The following INPP5A variants were observed in gnomAD, a reference collection of about 807,000 sequenced individuals.
The protein encoded by INPP5A is inositol polyphosphate-5-phosphatase A, also known as 43 kDa inositol polyphosphate 5-phophatase.
Under a neutral mutation model 65.2 loss-of-function variants are expected in INPP5A, and 14 were observed. The observed-to-expected ratio is 0.21, with a 90% CI of 0.14 to 0.34. INPP5A has a LOEUF of 0.34. Among genes scored for constraint, INPP5A ranks in the 10% least tolerant of loss-of-function variants. The pLI, the probability that INPP5A is intolerant of heterozygous loss-of-function variation, is 1.00. For missense variants in INPP5A, 431 were observed against 545.6 expected, an observed-to-expected ratio of 0.79 and a Z score of 2.09; for synonymous variants, 207 against 208.3, an observed-to-expected ratio of 0.99 and a Z score of 0.05.
intron 1 of INPP5A, among the ~76,000 whole-genome samples, chr10:132,590,433 A>G (rs1272912896): frequency 1.3e-5 from 2 of 152,130 alleles, no homozygotes; most frequent in Admixed American, 1.3e-4. Flanking sequence ...GAGGCTGGGA[A>G]GTCAGGCTGG....
At position 132,648,377 on chromosome 10, in the gene INPP5A, A is replaced by G. The variant is rs549802645; in HGVS notation, c.219-2041A>G. 3.9e-5 allele frequency among the ~76,000 whole-genome samples: 6 copies of G among 152,382 alleles called. No individual in the cohort carries two copies. In the South Asian group the frequency reaches 8.3e-4, roughly 21 times the overall value. Reference sequence around the variant, plus strand: ...CCTCCGCGCTTTATGCCTAATGTACAGCGTTATGATTTTTGCTTTAAACAA... The same window carrying G: ...CCTCCGCGCTTTATGCCTAATGTACGGCGTTATGATTTTTGCTTTAAACAA... On this transcript the variant is annotated intron_variant, in intron 3 of 15. Coordinates refer to ENST00000368594, the MANE Select transcript of INPP5A (RefSeq NM_005539.5).
At chr10:132,581,075 C>T (rs2071477337) in intron 1 of INPP5A, among the ~76,000 whole-genome samples, 2 of 152,220 alleles carry the variant, frequency 1.3e-5, no homozygotes, top group Non-Finnish European at 2.9e-5. Context: ...GTGGGTTTTC[C>T]CTCACGTAGC....
intron 2 of INPP5A, among the ~76,000 whole-genome samples, chr10:132,631,665 G>A (rs961982763): frequency 1.3e-5 from 2 of 152,194 alleles, no homozygotes; most frequent in East Asian, 3.9e-4. Context: ...GCAGGCCTGT[G>A]CTGCCTGTTT....
In INPP5A at chr10:132,675,607, A is replaced by C. The variant is rs1451547638; in HGVS notation, c.307-14785A>C. Among the ~76,000 whole-genome samples, 1 of 152,216 alleles carries C rather than the reference A, an allele frequency of 6.6e-6. No individual in the cohort carries two copies. The highest frequency in any genetic ancestry group is 1.5e-5 in the Non-Finnish European group (1 of 68,040). On this transcript the variant is annotated intron_variant, in intron 4 of 15. Coordinates refer to ENST00000368594, the MANE Select transcript of INPP5A (RefSeq NM_005539.5). The surrounding 1 kb of genome is among the most constrained non-coding windows in gnomAD (Gnocchi z 4.2). ...GCCCGGGAGAGTGAGGGTAACGGACATTCCCACGGGGATATTCCCACGCGG... is the reference window on the plus strand; with the variant it reads ...GCCCGGGAGAGTGAGGGTAACGGACCTTCCCACGGGGATATTCCCACGCGG...
intron 9 of INPP5A, among the ~76,000 whole-genome samples, chr10:132,728,284 C>T (rs915267498): frequency 7.9e-5 from 12 of 152,258 alleles, no homozygotes; most frequent in African/African-American, 2.7e-4. Flanking sequence ...CCCCGAAGTC[C>T]TTTCCATCCC....
chr10:132,777,638 G>A (rs376365743), intron 12 of INPP5A, 33 bp from the exon 13 acceptor site: 4 of 1,600,066 alleles, frequency 2.5e-6, no homozygotes, highest in Non-Finnish European at 3.4e-6. Context: ...GCCCGAGCCG[G>A]CCGGCTGACC....
chr10:132,720,240 G>A (rs1159923529), intron 8 of INPP5A, among the ~76,000 whole-genome samples: 5 of 147,866 alleles, frequency 3.4e-5, no homozygotes, highest in African/African-American at 7.5e-5. Context: ...CACCTTAGAC[G>A]GCTGTCTTGC....
chr10:132,631,809 T>C (rs1275673966), intron 2 of INPP5A, among the ~76,000 whole-genome samples: 1 of 152,250 alleles, frequency 6.6e-6, no homozygotes, highest in African/African-American at 2.4e-5. Context: ...CTATGAAGCA[T>C]CCAGTTCAAG....
intron 4 of INPP5A, among the ~76,000 whole-genome samples, chr10:132,687,159 G>A (rs1044608469): frequency 1.3e-5 from 2 of 152,164 alleles, no homozygotes; most frequent in Admixed American, 6.5e-5. Flanking sequence ...TGGCCAGGCC[G>A]GTCTTGAACT....
At position 132,650,070 on chromosome 10, in the gene INPP5A, C is replaced by T. The variant is rs1459010768; in HGVS notation, c.219-348C>T. On this transcript the variant is annotated intron_variant, in intron 3 of 15. Transcript: ENST00000368594. The surrounding 1 kb of genome is among the most constrained non-coding windows in gnomAD (Gnocchi z 5.5). ...GTCCAATTTCTCTCTTAAGACCAAG[C>T]GTGAGCTATCAGGAGAGCCCCCAGA... Among the ~76,000 whole-genome samples, 1 of 152,186 alleles carries T rather than the reference C, an allele frequency of 6.6e-6. No homozygotes were observed. Among genetic ancestry groups the T allele is most frequent in the East Asian group, 1.9e-4 (1 of 5,194 alleles).
rs566004079 is a variant in INPP5A, at chr10:132,725,026, A to G, written c.648-1795A>G. ...CTCTCCAGAACTCACGGGGGGCCCCAGGCCAGCAGGAGCACACGCCATATT... is the reference window on the plus strand; with the variant it reads ...CTCTCCAGAACTCACGGGGGGCCCCGGGCCAGCAGGAGCACACGCCATATT... On this transcript the variant is annotated intron_variant, in intron 8 of 15. Coordinates refer to ENST00000368594, the MANE Select transcript of INPP5A (RefSeq NM_005539.5). 2.0e-4 allele frequency among the ~76,000 whole-genome samples: 30 copies of G among 151,884 alleles called. 1 individual carries two copies. The South Asian group carries it at 6.3e-3, about 32-fold the overall frequency.
chr10:132,749,978 T>C, intron 11 of INPP5A, 133 bp downstream of exon 11: 1 of 838,322 alleles, frequency 1.2e-6, no homozygotes, highest in Non-Finnish European at 2.0e-6. Flanking sequence ...TCTGAGCCAG[T>C]GCAAGTCAGA....
intron 2 of INPP5A, among the ~76,000 whole-genome samples, chr10:132,636,538 C>A (rs1411214381): frequency 6.6e-6 from 1 of 152,256 alleles, no homozygotes; most frequent in African/African-American, 2.4e-5. Context: ...CCCAAGCCAG[C>A]CTGCTGCACG....
At chr10:132,735,251 C>T (rs1846155922) in intron 9 of INPP5A, among the ~76,000 whole-genome samples, 1 of 152,210 alleles carries the variant, frequency 6.6e-6, no homozygotes, top group African/African-American at 2.4e-5. Flanking sequence ...CAGCCTCCAC[C>T]CTGGGTTTGT....
chr10:132,681,779 T>C (rs180954240), intron 4 of INPP5A, among the ~76,000 whole-genome samples: 2 of 152,314 alleles, frequency 1.3e-5, no homozygotes, highest in Admixed American at 1.3e-4. Context: ...CCAGCAGATA[T>C]TTGCACACCT....
chr10:132,566,154 C>T (rs1477384421), intron 1 of INPP5A, among the ~76,000 whole-genome samples: 1 of 152,094 alleles, frequency 6.6e-6, no homozygotes, highest in East Asian at 1.9e-4. Context: ...TGTTCAAATA[C>T]TTTTGAAAAA....
At chr10:132,543,443 G>T (rs1049056934) in intron 1 of INPP5A, among the ~76,000 whole-genome samples, 1 of 152,064 alleles carries the variant, frequency 6.6e-6, no homozygotes, top group Non-Finnish European at 1.5e-5. Context: ...ACAGAGACGG[G>T]GTCTTGCTGT....
At chr10:132,640,070 G>C (rs761854378) in intron 2 of INPP5A, among the ~76,000 whole-genome samples, 1 of 152,190 alleles carries the variant, frequency 6.6e-6, no homozygotes, top group Non-Finnish European at 1.5e-5. Context: ...GGTGGCATCT[G>C]TCTGTCATTC....
chr10:132,639,491 A>G lies in INPP5A; in HGVS notation c.118-6377A>G, dbSNP rs150041106. ...TATTAATACATCTTTGTTTTTCCTCAATTTGATTATGATAAAATGTGGCAC... is the reference window on the plus strand; with the variant it reads ...TATTAATACATCTTTGTTTTTCCTCGATTTGATTATGATAAAATGTGGCAC... On this transcript the variant is annotated intron_variant, in intron 2 of 15. Coordinates refer to ENST00000368594, the MANE Select transcript of INPP5A (RefSeq NM_005539.5). Among the ~76,000 whole-genome samples the G allele has an allele frequency of 2.6e-5, 4 of 152,076 alleles. No homozygotes were observed. In the East Asian group the frequency reaches 7.7e-4, roughly 29 times the overall value.
Sources: gnomAD v4.1 joint callset for allele counts (sites outside exome capture counted in the v4.1 genomes callset) on GRCh38, gnomAD v4.1.1 for gene constraint, Gnocchi (gnomAD v3.1) non-coding constraint, MANE v1.5 for transcripts, NCBI Gene and HGNC (gene_info 2026-07-23, HGNC 2026-07-21) for gene names.